The following RORA variants were observed in gnomAD, a reference collection of about 807,000 sequenced individuals.
The protein encoded by RORA is RAR related orphan receptor A, also known as nuclear receptor ROR-alpha.
A neutral mutation model predicts 69.5 loss-of-function variants in RORA; 7 were observed. The observed-to-expected ratio is 0.10, with a 90% CI of 0.06 to 0.19. The LOEUF is 0.19. RORA is among the 10% of genes least tolerant of loss of function. The pLI is 1.00. For missense variants in RORA, 457 were observed against 663.0 expected (o/e 0.69, Z 3.41); for synonymous variants, 261 against 240.8 (o/e 1.08, Z -0.78).
At position 60,939,537 on chromosome 15, in the gene RORA, A is replaced by T. The variant is rs75569676; in HGVS notation, c.167-260851T>A. ...CGGCCTTAAGTGTTCATTTACCACT[A>T]TGCGACCTGGAGCAATAATATATTA... On this transcript the variant is annotated intron_variant, in intron 1 of 10. Coordinates refer to ENST00000335670, the MANE Select transcript of RORA (RefSeq NM_134261.3). Among the ~76,000 whole-genome samples, 738 of 152,332 alleles carry T rather than the reference A, an allele frequency of 4.8e-3. 4 individuals are homozygous for T. The highest frequency in any genetic ancestry group is 0.017 in the African/African-American group (698 of 41,578).
chr15:60,658,535 T>C (rs2070257076), intron 2 of RORA, among the ~76,000 whole-genome samples: 1 of 152,232 alleles, frequency 6.6e-6, no homozygotes, highest in South Asian at 2.1e-4. Flanking sequence ...CCACAGACCA[T>C]ACCAACAGGG....
intron 1 of RORA, among the ~76,000 whole-genome samples, chr15:60,908,305 T>C (rs193276889): frequency 6.6e-6 from 1 of 152,226 alleles, no homozygotes; most frequent in Non-Finnish European, 1.5e-5. Flanking sequence ...CATTTAAATA[T>C]GTTTTCCCTT....
chr15:61,187,985 C>T (rs1159489230), intron 1 of RORA, among the ~76,000 whole-genome samples: 2 of 152,164 alleles, frequency 1.3e-5, no homozygotes, highest in South Asian at 2.1e-4. Context: ...CTGCCTCAGA[C>T]CTGCCAGGCC....
At chr15:61,171,273 C>T (rs886631722) in intron 1 of RORA, among the ~76,000 whole-genome samples, 7 of 152,108 alleles carry the variant, frequency 4.6e-5, no homozygotes, top group African/African-American at 1.7e-4. Context: ...GTGGGCTATG[C>T]CATCCTTGTG....
chr15:61,029,161 C>T (rs1896000831), intron 1 of RORA, among the ~76,000 whole-genome samples: 1 of 151,944 alleles, frequency 6.6e-6, no homozygotes, highest in Non-Finnish European at 1.5e-5. Flanking sequence ...AAAAAAACAT[C>T]TAAACACCAA....
chr15:60,747,460 C>G (rs2071664835), intron 1 of RORA, among the ~76,000 whole-genome samples: 1 of 152,160 alleles, frequency 6.6e-6, no homozygotes, highest in Admixed American at 6.5e-5. Context: ...AAATTGGCAT[C>G]TCTTTACTTA....
chr15:60,653,196 C>T (rs1944163095), intron 2 of RORA, among the ~76,000 whole-genome samples: 1 of 152,102 alleles, frequency 6.6e-6, no homozygotes, highest in Non-Finnish European at 1.5e-5. Context: ...TGGGCAAAGC[C>T]CAAACCCTTA....
chr15:61,109,336 G>A (rs2078981312), intron 1 of RORA, among the ~76,000 whole-genome samples: 1 of 152,208 alleles, frequency 6.6e-6, no homozygotes, highest in Admixed American at 6.5e-5. Flanking sequence ...ACTTAGAACA[G>A]TGGCTAGCAC....
intron 1 of RORA, among the ~76,000 whole-genome samples, chr15:61,069,605 A>C (rs994601327): frequency 2.6e-5 from 4 of 152,158 alleles, no homozygotes; most frequent in Non-Finnish European, 5.9e-5. Flanking sequence ...TTACATTCCC[A>C]AAACCCCACG....
chr15:61,129,672 A>T (rs11633389), intron 1 of RORA, among the ~76,000 whole-genome samples: 228 of 152,364 alleles, frequency 1.5e-3, no homozygotes, highest in Non-Finnish European at 2.2e-3. Flanking sequence ...AATGAATGAC[A>T]GTTCAGTCAA....
At chr15:61,051,937 C>T (rs2078020279) in intron 1 of RORA, among the ~76,000 whole-genome samples, 2 of 152,228 alleles carry the variant, frequency 1.3e-5, no homozygotes, top group Admixed American at 1.3e-4. Flanking sequence ...AGGGAGGGTG[C>T]ACCTCCTCTT....
chr15:61,223,677 A>C (rs2080119689), intron 1 of RORA, among the ~76,000 whole-genome samples: 1 of 152,234 alleles, frequency 6.6e-6, no homozygotes, highest in Non-Finnish European at 1.5e-5. Context: ...ACCTCAAAGA[A>C]AGATTCAATT....
intron 7 of RORA, 29 bp from the exon 8 acceptor site, chr15:60,502,896 A>T (rs758167251): frequency 7.0e-7 from 1 of 1,433,090 alleles, no homozygotes; most frequent in East Asian, 2.3e-5. Context: ...GGTTTGGGTC[A>T]TTTGGGTCAT....
At chr15:60,982,558 AG>A (rs1894075960) in intron 1 of RORA, among the ~76,000 whole-genome samples, 1 of 152,310 alleles carries the variant, frequency 6.6e-6, no homozygotes, top group Admixed American at 6.5e-5. Context: ...CATGTCTTCA[AG>A]GCAGCCACCA....
At chr15:60,641,418 C>CT (rs796600832) in intron 2 of RORA, among the ~76,000 whole-genome samples, 16 of 151,434 alleles carry the variant, frequency 1.1e-4, no homozygotes, top group South Asian at 1.0e-3. Context: ...CTTTCCATTT[C>CT]TTTTTTTTTA....
chr15:60,652,218 G>C (rs1267624464), intron 2 of RORA, among the ~76,000 whole-genome samples: 1 of 151,908 alleles, frequency 6.6e-6, no homozygotes, highest in Non-Finnish European at 1.5e-5. Context: ...CTATTTAGTA[G>C]CTATGTAATA....
chr15:61,158,492 A>C (rs983295815), intron 1 of RORA, among the ~76,000 whole-genome samples: 1 of 152,204 alleles, frequency 6.6e-6, no homozygotes, highest in Non-Finnish European at 1.5e-5. Flanking sequence ...TTATGTCTAA[A>C]TGGCTACATA....
At chr15:60,788,253 C>T (rs1212348810) in intron 1 of RORA, among the ~76,000 whole-genome samples, 1 of 152,136 alleles carries the variant, frequency 6.6e-6, no homozygotes, top group Non-Finnish European at 1.5e-5. Context: ...CACCAGGGTC[C>T]CTGATGATGC....
chr15:61,103,030 G>A (rs369140372), intron 1 of RORA, among the ~76,000 whole-genome samples: 12 of 152,206 alleles, frequency 7.9e-5, no homozygotes, highest in African/African-American at 2.9e-4. Context: ...TTGGCAGGGA[G>A]ATATCTGTTT....
Sources: gnomAD v4.1 joint callset for allele counts (sites outside exome capture counted in the v4.1 genomes callset) on GRCh38, gnomAD v4.1.1 for gene constraint, MANE v1.5 for transcripts, NCBI Gene and HGNC (gene_info 2026-07-23, HGNC 2026-07-21) for gene names.